The following KPNA7 variants were observed in gnomAD, a reference collection of about 807,000 sequenced individuals.
KPNA7 encodes importin subunit alpha-8.
Under a neutral mutation model 53.7 loss-of-function variants are expected in KPNA7, and 54 were observed. That is an observed-to-expected ratio of 1.01 (90% CI 0.81 to 1.26). KPNA7 has a LOEUF of 1.26. Among genes scored for constraint, KPNA7 ranks in the 50% most tolerant of loss-of-function variants. The probability of loss-of-function intolerance (pLI) is 0.00; values close to 1 mark genes in which losing one functional copy is unlikely to be tolerated. For missense variants in KPNA7, 640 were observed against 644.5 expected (o/e 0.99, Z 0.07); for synonymous variants, 276 against 259.3 (o/e 1.06, Z -0.62).
chr7:99,208,127 A>C (rs1790915872), upstream of KPNA7, among the ~76,000 whole-genome samples: 5 of 152,124 alleles, frequency 3.3e-5, no homozygotes, highest in South Asian at 1.0e-3. Flanking sequence ...CCCGGGCTGG[A>C]GTGCATTGGC....
downstream of KPNA7, among the ~76,000 whole-genome samples, chr7:99,173,126 ACT>A (rs1798803047): frequency 6.6e-6 from 1 of 150,970 alleles, no homozygotes; most frequent in Admixed American, 6.6e-5. Flanking sequence ...AGACCATTCT[ACT>A]CTGTCTTGAA....
intron 5 of KPNA7, 109 bp from the exon 6 acceptor site, chr7:99,193,210 C>T (rs975259944): frequency 5.1e-5 from 32 of 627,170 alleles, no homozygotes; most frequent in Middle Eastern, 2.6e-4. Flanking sequence ...AACTCATTCC[C>T]GGGTTTAGCA....
chr7:99,150,598 T>A, the KPNA7 span, among the ~76,000 whole-genome samples: 2 of 151,940 alleles, frequency 1.3e-5, no homozygotes, highest in Non-Finnish European at 2.9e-5. Context: ...TATTTTTTAG[T>A]AGAGATGGGT....
chr7:99,146,371 T>TG, the KPNA7 span, among the ~76,000 whole-genome samples: 1 of 152,142 alleles, frequency 6.6e-6, no homozygotes, highest in African/African-American at 2.4e-5. Flanking sequence ...TGATGTACAA[T>TG]GGGGTTACAT....
intron 1 of KPNA7, among the ~76,000 whole-genome samples, chr7:99,214,257 C>A (rs1181796540): frequency 6.7e-6 from 1 of 150,366 alleles, no homozygotes; most frequent in African/African-American, 2.5e-5. Flanking sequence ...GTGGCAAAAC[C>A]CCGTCTCTAC....
At position 99,188,374 on chromosome 7, in the gene KPNA7, T is replaced by A; in HGVS notation, c.826A>T (p.Ile276Phe). The A allele has an allele frequency of 6.4e-7, 1 of 1,551,580 alleles. No homozygotes were observed. The highest frequency in any genetic ancestry group is 8.7e-7 in the Non-Finnish European group (1 of 1,146,988). ...ACCCCCGTGTTAACCACTTGGCCGA[T>A]GCGCTTGTTGGAGCCGTCGGTGAGG... ...SYLTDGSNKR[I>F]GQVVNTGVLP... Residue 276 changes from isoleucine to phenylalanine, a missense_variant, in exon 7 of 11, where the codon ATC becomes TTC. Coordinates refer to ENST00000327442, the MANE Select transcript of KPNA7 (RefSeq NM_001145715.3).
chr7:99,191,903 G>A lies in KPNA7; in HGVS notation c.636+1116C>T, dbSNP rs191022036. On this transcript the variant is annotated intron_variant, in intron 6 of 10. Transcript: ENST00000327442. ...GACCTCAGGTGATCCACCCGCCTCAGCTTCCCAAATTGTTGGGATTACAGG... is the reference window on the plus strand; with the variant it reads ...GACCTCAGGTGATCCACCCGCCTCAACTTCCCAAATTGTTGGGATTACAGG... Among the ~76,000 whole-genome samples, 299 of 152,318 alleles carry A rather than the reference G, an allele frequency of 2.0e-3. 1 individual carries two copies. Among genetic ancestry groups the A allele is most frequent in the Non-Finnish European group, 3.6e-3 (243 of 68,018 alleles).
In KPNA7 at chr7:99,194,415, G is replaced by C. The variant is rs1293341750; in HGVS notation, c.553+655C>G. Among the ~76,000 whole-genome samples, 3 of 152,216 alleles carry C rather than the reference G, an allele frequency of 2.0e-5. No homozygotes were observed. In the East Asian group the frequency reaches 5.8e-4, roughly 29 times the overall value. On this transcript the variant is annotated intron_variant, in intron 5 of 10. Coordinates refer to ENST00000327442, the MANE Select transcript of KPNA7 (RefSeq NM_001145715.3). ...TCCACTGAAGGCAGAGTCCTTCTGG[G>C]GTCCCGAGTTATGTAAGGGTCTATC...
chr7:99,217,990 G>C, intron 1 of KPNA7, among the ~76,000 whole-genome samples: 1 of 152,006 alleles, frequency 6.6e-6, no homozygotes, highest in Middle Eastern at 3.4e-3. Flanking sequence ...GACGCACCTG[G>C]GGATTCCAGA....
the KPNA7 span, among the ~76,000 whole-genome samples, chr7:99,160,446 A>C: frequency 6.6e-6 from 1 of 151,330 alleles, no homozygotes; most frequent in African/African-American, 2.4e-5. Context: ...TCTGCTGTTA[A>C]GCCCATCCAG....
chr7:99,174,860 G>C (rs914243898), intron 10 of KPNA7, among the ~76,000 whole-genome samples: 3 of 151,310 alleles, frequency 2.0e-5, no homozygotes, highest in Non-Finnish European at 2.9e-5. Context: ...GCCCAGGCTG[G>C]AGTACAGTGG....
At chr7:99,193,228 A>T in intron 5 of KPNA7, 127 bp from the exon 6 acceptor site, 1 of 542,516 alleles carries the variant, frequency 1.8e-6, no homozygotes, top group Middle Eastern at 2.8e-4. Flanking sequence ...GCAAGTAGGT[A>T]GTAGAGCCAC....
At chr7:99,180,511 CTCTCTGTGTCTCTA>C (rs1799121527) in intron 9 of KPNA7, among the ~76,000 whole-genome samples, 1 of 148,482 alleles carries the variant, frequency 6.7e-6, no homozygotes, top group Non-Finnish European at 1.5e-5. Context: ...CTGTCTCTCT[CTCTCTGTGTCTCTA>C]TCTCTCTGTC....
At chr7:99,178,148 G>A in intron 9 of KPNA7, 82 bp from the exon 10 acceptor site, 1 of 1,266,462 alleles carries the variant, frequency 7.9e-7, no homozygotes, top group East Asian at 2.6e-5. Context: ...CAAGGGAGCT[G>A]CCCCGAGTGG....
chr7:99,173,839 A>T, intron 10 of KPNA7, 45 bp from the exon 11 acceptor site: 1 of 1,153,112 alleles, frequency 8.7e-7, no homozygotes, highest in Non-Finnish European at 1.3e-6. Flanking sequence ...GATTCTCAGC[A>T]CATTATCACT....
chr7:99,192,323 A>G (rs1789998112), intron 6 of KPNA7, among the ~76,000 whole-genome samples: 1 of 152,310 alleles, frequency 6.6e-6, no homozygotes, highest in Middle Eastern at 3.4e-3. Context: ...GCCTCTTCCA[A>G]TGCCGCAAAG....
rs1452666437 is a variant in KPNA7, at chr7:99,185,140, C to T, written c.923G>A (p.Gly308Glu). 6.4e-7 allele frequency: 1 copy of T among 1,552,000 alleles called. No individual in the cohort carries two copies. The highest frequency in any genetic ancestry group is 8.7e-7 in the Non-Finnish European group (1 of 1,147,026). Residue 308 changes from glycine (G) to glutamate (E), a missense_variant, in exon 8 of 11, where the codon GGG (glycine) becomes GAG (glutamate). Gly to Glu is a moderately conservative substitution (Grantham distance 98). Coordinates refer to ENST00000327442, the MANE Select transcript of KPNA7 (RefSeq NM_001145715.3). ...CTCATCTGTGCCCGTGACAATGTTCCCCACGGTGCGGAGAGAAGGAGTCTG... is the reference window on the plus strand; with the variant it reads ...CTCATCTGTGCCCGTGACAATGTTCTCCACGGTGCGGAGAGAAGGAGTCTG... ...NVLTPSLRTV[G>E]NIVTGTDEQT...
the KPNA7 span, among the ~76,000 whole-genome samples, chr7:99,163,381 ATATTTTTTTTTTTTT>A: frequency 1.7e-5 from 1 of 58,894 alleles, no homozygotes; most frequent in Admixed American, 2.7e-4. Flanking sequence ...ATATATATAT[ATATTTTTTTTTTTTT>A]TTTTTTTTTT....
Position 99,197,889 on chromosome 7 carries a change from G to A in KPNA7, c.202-1723C>T, listed in dbSNP as rs1007940716. 3.3e-5 allele frequency among the ~76,000 whole-genome samples: 5 copies of A among 152,022 alleles called. No homozygotes were observed. The East Asian group carries it at 9.6e-4, about 29-fold the overall frequency. On this transcript the variant is annotated intron_variant, in intron 3 of 10. Coordinates refer to ENST00000327442, the MANE Select transcript of KPNA7 (RefSeq NM_001145715.3). ...CAAATGCAGAATAGGAAGGAGAAGA[G>A]GGAAAGAGGCAGAAAGTATATTTAA...
Sources: gnomAD v4.1 joint callset for allele counts (sites outside exome capture counted in the v4.1 genomes callset) on GRCh38, gnomAD v4.1.1 for gene constraint, MANE v1.5 for transcripts, NCBI Gene and HGNC (gene_info 2026-07-23, HGNC 2026-07-21) for gene names.